DHX57: variants seen among roughly 807,000 people sequenced by gnomAD.
The protein encoded by DHX57 is putative ATP-dependent RNA helicase DHX57.
DHX57 carries 105 observed loss-of-function variants against 156.2 expected under a neutral mutation model. The observed-to-expected ratio is 0.67, with a 90% confidence interval of 0.57 to 0.79. The LOEUF is 0.79. DHX57 is among the 30% of genes least tolerant of loss of function. The pLI, the probability that DHX57 is intolerant of heterozygous loss-of-function variation, is 0.00. For synonymous variants in DHX57, 704 were observed against 595.6 expected (o/e 1.18, Z -2.65); for missense variants, 1,847 against 1,661.9 (o/e 1.11, Z -1.94).
In DHX57 at chr2:38,825,836, C is replaced by G. The variant is rs770156325; in HGVS notation, c.3014+11G>C. 1.9e-6 allele frequency: 3 copies of G among 1,613,988 alleles called. No individual in the cohort carries two copies. The highest frequency in any genetic ancestry group is 1.7e-6 in the Non-Finnish European group (2 of 1,179,904). ...CCTTTTGGAAGCAAAACACAAAAAA[C>G]CAGATGTCACCTTAGACACAGCTGT... is the stretch of plus-strand genomic sequence containing the variant. On this transcript the variant is annotated intron_variant, in intron 16 of 23. Coordinates refer to ENST00000457308, the MANE Select transcript of DHX57 (RefSeq NM_198963.3).
At chr2:38,854,266 T>TA (rs1672764963) in intron 8 of DHX57, 88 bp from the exon 9 acceptor site, 3 of 1,371,486 alleles carry the variant, frequency 2.2e-6, no homozygotes, top group South Asian at 2.7e-5. Flanking sequence ...TGGATAGTGA[T>TA]AAAAAATATT....
chr2:38,805,049 C>T (rs1377598399), intron 22 of DHX57, among the ~76,000 whole-genome samples: 1 of 152,152 alleles, frequency 6.6e-6, no homozygotes, highest in Non-Finnish European at 1.5e-5. Flanking sequence ...GTGCCTGGCA[C>T]AGATTAGGCG....
intron 22 of DHX57, among the ~76,000 whole-genome samples, chr2:38,803,763 A>C (rs186299641): frequency 2.0e-5 from 3 of 147,354 alleles, no homozygotes; most frequent in Admixed American, 1.4e-4. Context: ...TCCTGGGATT[A>C]CAGGTGTGAG....
At chr2:38,846,994 G>C (rs1672321881) in intron 11 of DHX57, 25 bp downstream of exon 11, 2 of 1,597,506 alleles carry the variant, frequency 1.3e-6, no homozygotes, top group African/African-American at 1.3e-5. Flanking sequence ...TCCTTTCACT[G>C]AATCTTAATT....
rs184647075 is a variant in DHX57, at chr2:38,855,155, G to A, written c.1807C>T (p.Arg603Ter). The change falls in exon 8 of 24, where the codon CGA (arginine) becomes TGA (stop). Residue 603 changes from arginine to a stop codon, truncating the protein, a stop_gained. Transcript: ENST00000457308. LOFTEE classifies it high-confidence loss of function. ...TCAGCAACAGAGATTGCAGAGATTCGTCGGGGTTGGGTACAGATGATGTTG... is the reference window on the plus strand; with the variant it reads ...TCAGCAACAGAGATTGCAGAGATTCATCGGGGTTGGGTACAGATGATGTTG... ...VANIICTQPR[R>*]ISAISVAERV... The A allele has an allele frequency of 1.2e-5, 19 of 1,613,970 alleles. No homozygotes were observed. The highest frequency in any genetic ancestry group is 4.0e-5 in the African/African-American group (3 of 74,896).
At chr2:38,839,501 C>G (rs1027665799) in intron 12 of DHX57, among the ~76,000 whole-genome samples, 6 of 149,680 alleles carry the variant, frequency 4.0e-5, no homozygotes, top group African/African-American at 1.5e-4. Flanking sequence ...CACCTGAGGT[C>G]AAGAGTTTGA....
intron 12 of DHX57, among the ~76,000 whole-genome samples, chr2:38,842,062 A>T (rs1672037023): frequency 6.6e-6 from 1 of 152,226 alleles, no homozygotes; most frequent in African/African-American, 2.4e-5. Flanking sequence ...ACCTTTACCA[A>T]GTGAACAAGT....
Position 38,861,480 on chromosome 2 carries a change from T to C in DHX57, c.930A>G (p.Lys310=). 6.2e-7 allele frequency: 1 copy of C among 1,614,108 alleles called. No individual in the cohort carries two copies. The highest frequency in any genetic ancestry group is 8.5e-7 in the Non-Finnish European group (1 of 1,180,034). ...ATTTTGATCCAAATTTACAATTTCC[T>C]TTGAGGTAAAATTTACAGATTTCAA... ...NSLEICKFYL[K]GNCKFGSKCR... Residue 310 remains lysine (K), a synonymous_variant, in exon 5 of 24, where the codon AAA becomes AAG. Transcript: ENST00000457308.
intron 17 of DHX57, among the ~76,000 whole-genome samples, chr2:38,822,528 G>A (rs1356110970): frequency 1.3e-5 from 2 of 151,900 alleles, no homozygotes; most frequent in African/African-American, 4.8e-5. Flanking sequence ...CAAGTAGTTG[G>A]GACTACATGT....
intron 21 of DHX57, among the ~76,000 whole-genome samples, chr2:38,807,458 C>T (rs778258593): frequency 4.7e-5 from 7 of 150,152 alleles, no homozygotes; most frequent in East Asian, 2.0e-4. Context: ...CCCGGGTTCA[C>T]GCCATTCTCC....
Position 38,856,429 on chromosome 2 carries a change from C to G in DHX57, c.1620G>C (p.Glu540Asp), listed in dbSNP as rs368734922. Reference protein sequence around the residue: ...ASRQFQSILQERQSLPAWEER... With the variant: ...ASRQFQSILQDRQSLPAWEER... ...CTTCCCAAGCAGGGAGTGATTGCCTCTCTTGCAGAATGGACTGGAACTGTC... is the reference window on the plus strand; with the variant it reads ...CTTCCCAAGCAGGGAGTGATTGCCTGTCTTGCAGAATGGACTGGAACTGTC... The change falls in exon 7 of 24, where the codon GAG becomes GAC. Residue 540 changes from glutamate (E) to aspartate (D), a missense_variant. Glu to Asp is a conservative substitution (Grantham distance 45). Coordinates refer to ENST00000457308, the MANE Select transcript of DHX57 (RefSeq NM_198963.3). 3 of 1,613,696 alleles carry G rather than the reference C, an allele frequency of 1.9e-6. No homozygotes were observed. Among genetic ancestry groups the G allele is most frequent in the East Asian group, 2.2e-5 (1 of 44,864 alleles).
chr2:38,810,310 G>A (rs763069094), intron 21 of DHX57: 11 of 289,186 alleles, frequency 3.8e-5, no homozygotes, highest in Non-Finnish European at 5.4e-5. Context: ...GCTGGGGCCC[G>A]GCAGCCCCAC....
chr2:38,836,652 T>C (rs1671674344), intron 13 of DHX57, among the ~76,000 whole-genome samples: 1 of 151,594 alleles, frequency 6.6e-6, no homozygotes, highest in Admixed American at 6.6e-5. Context: ...TGCACACCTG[T>C]AGTCCCAGCT....
At chr2:38,833,789 T>C (rs575696996) in intron 13 of DHX57, among the ~76,000 whole-genome samples, 1 of 152,194 alleles carries the variant, frequency 6.6e-6, no homozygotes, top group East Asian at 1.9e-4. Context: ...TTTTGGAGAT[T>C]TGTGACAATT....
intron 13 of DHX57, 69 bp downstream of exon 13, chr2:38,837,762 A>G: frequency 1.1e-6 from 1 of 930,704 alleles, no homozygotes; most frequent in East Asian, 2.4e-5. Context: ...GCACTCATGA[A>G]TAGACTCCCA....
At chr2:38,818,243 G>T (rs114286975) in intron 19 of DHX57, among the ~76,000 whole-genome samples, 3 of 152,074 alleles carry the variant, frequency 2.0e-5, no homozygotes, top group African/African-American at 7.2e-5. Context: ...AATGCCTGGT[G>T]TAGCCCGGTG....
In DHX57 at chr2:38,802,726, C is replaced by T. The variant is rs1468661400; in HGVS notation, c.4006G>A (p.Ala1336Thr). The T allele has an allele frequency of 2.5e-6, 4 of 1,614,066 alleles. No individual in the cohort carries two copies. Among genetic ancestry groups the T allele is most frequent in the Non-Finnish European group, 3.4e-6 (4 of 1,180,016 alleles). ...LDDGWIRFVA[A>T]SHQVAELVKE... ...AATTCTGCCTTTACCTGATGGGAAG[C>T]AGCTACAAAACGGATCCAACCATCA... The change falls in exon 23 of 24, where the codon GCT becomes ACT. Residue 1336 changes from alanine to threonine, a missense_variant. Physicochemically the swap from Ala to Thr is moderately conservative, Grantham distance 58 (BLOSUM62 0). Coordinates refer to ENST00000457308, the MANE Select transcript of DHX57 (RefSeq NM_198963.3).
At chr2:38,826,386 C>T (rs1007715378) in intron 15 of DHX57, 130 bp downstream of exon 15, 195 of 1,061,300 alleles carry the variant, frequency 1.8e-4, no homozygotes, top group Non-Finnish European at 2.5e-4. Flanking sequence ...CACACATCCA[C>T]GTACAGTTTT....
rs201146387 is a variant in DHX57 at position 38,823,116 on chromosome 2, C to T, written c.3168G>A (p.Gly1056=). 6 of 1,614,112 alleles carry T rather than the reference C, an allele frequency of 3.7e-6. No homozygotes were observed. The highest frequency in any genetic ancestry group is 5.1e-6 in the Non-Finnish European group (6 of 1,180,028). Residue 1056 remains glycine (G), a synonymous_variant, in exon 17 of 24, where the codon GGG becomes GGA. Transcript: ENST00000457308. The stretch of plus-strand genomic sequence containing the variant: ...CCACGGGCAGAGAGGCCAAATGATA[C>T]CCAAGAGGGGTCAATCTTTCATCTG... ...LTPDERLTPL[G]YHLASLPVDV...
Sources: gnomAD v4.1 joint callset for allele counts (sites outside exome capture counted in the v4.1 genomes callset) on GRCh38, gnomAD v4.1.1 for gene constraint, MANE v1.5 for transcripts, NCBI Gene and HGNC (gene_info 2026-07-23, HGNC 2026-07-21) for gene names.